Variants in GRK1 observed in about 807,000 individuals in gnomAD.
GRK1 encodes the protein rhodopsin kinase GRK1.
In GRK1, 28 loss-of-function variants were observed where a neutral mutation model predicts 41.7. The observed-to-expected ratio is 0.67, with a 90% CI of 0.50 to 0.92. The LOEUF is 0.92. Ranked by LOEUF, GRK1 falls within the 40% of genes least tolerant of loss-of-function variation. GRK1 has a pLI of 0.00. For synonymous variants in GRK1, 327 were observed against 286.7 expected, an observed-to-expected ratio of 1.14 and a Z score of -1.42; for missense variants, 703 against 671.2, an observed-to-expected ratio of 1.05 and a Z score of -0.52.
chr13:113,733,801 ATCTGTGTGCATACG>A (rs2049968380), intron 6 of GRK1, among the ~76,000 whole-genome samples: 2 of 61,954 alleles, frequency 3.2e-5, no homozygotes, highest in Admixed American at 3.3e-4. Context: ...GTGTATGTGT[ATCTGTGTGCATACG>A]TGTGTGCGTG....
chr13:113,725,235 T>A (rs1272083148), intron 4 of GRK1, among the ~76,000 whole-genome samples: 1 of 151,264 alleles, frequency 6.6e-6, no homozygotes, highest in South Asian at 2.1e-4. Context: ...GTCGGGGGAC[T>A]CCCCCTTGCC....
upstream of GRK1, among the ~76,000 whole-genome samples, chr13:113,663,839 C>T (rs1217743359): frequency 1.3e-5 from 2 of 152,218 alleles, no homozygotes; most frequent in Admixed American, 6.5e-5. Flanking sequence ...CTCACCATCG[C>T]TGGTGGGAAT....
Position 113,671,610 on chromosome 13 carries a change from C to G in GRK1, c.939C>G (p.Ile313Met), listed in dbSNP as rs370954768. The change falls in exon 3 of 7, where the codon ATC becomes ATG. Residue 313 changes from isoleucine to methionine, a missense_variant. Coordinates refer to ENST00000335678, the MANE Select transcript of GRK1 (RefSeq NM_002929.3). This position sits in a 1 kb window ranked among gnomAD's most constrained non-coding sequence, Gnocchi z 4.1. ...TGGAGCACCTGCACCAGAGGCGGATCGTCTACCGCGACCTCAAGCCCGAGA... is the reference window on the plus strand; with the variant it reads ...TGGAGCACCTGCACCAGAGGCGGATGGTCTACCGCGACCTCAAGCCCGAGA... ...CGLEHLHQRR[I>M]VYRDLKPENV... 1 of 771,952 alleles carries G rather than the reference C, an allele frequency of 1.3e-6. No individual in the cohort carries two copies. Among genetic ancestry groups the G allele is most frequent in the Non-Finnish European group, 2.4e-6 (1 of 417,750 alleles). The allele number at this position is 771,952 out of a possible 1,614,324, so 47.8% of individuals were successfully genotyped here.
intron 4 of GRK1, among the ~76,000 whole-genome samples, chr13:113,727,410 C>A (rs2049896157): frequency 6.6e-6 from 1 of 152,078 alleles, no homozygotes; most frequent in African/African-American, 2.4e-5. Flanking sequence ...GGTCTGTGAT[C>A]TGTGGCCTGT....
At chr13:113,669,568 T>C (rs2049842154) in intron 1 of GRK1, 119 bp from the exon 2 acceptor site, 3 of 1,209,776 alleles carry the variant, frequency 2.5e-6, no homozygotes, top group Non-Finnish European at 3.6e-6. Context: ...ATTTAAAGCA[T>C]GTTTGCGACT....
At chr13:113,653,184 C>T in the GRK1 span, 1 of 1,432,160 alleles carries the variant, frequency 7.0e-7, no homozygotes, top group South Asian at 1.3e-5. Flanking sequence ...ATAGAAAAGG[C>T]CGAAGCTGTG....
the GRK1 span, among the ~76,000 whole-genome samples, chr13:113,661,933 G>A: frequency 6.6e-6 from 1 of 152,026 alleles, no homozygotes; most frequent in Non-Finnish European, 1.5e-5. Context: ...ACCATCTTTT[G>A]GAAAATAGAA....
rs1005853529 is a variant in GRK1 at position 113,671,997 on chromosome 13, C to T, written c.985+341C>T. Among the ~76,000 whole-genome samples, 1 of 152,002 alleles carries T rather than the reference C, an allele frequency of 6.6e-6. No homozygotes were observed. Among genetic ancestry groups the T allele is most frequent in the Non-Finnish European group, 1.5e-5 (1 of 68,004 alleles). On this transcript the variant is annotated intron_variant, in intron 3 of 6. Coordinates refer to ENST00000335678, the MANE Select transcript of GRK1 (RefSeq NM_002929.3). The surrounding 1 kb of genome is among the most constrained non-coding windows in gnomAD (Gnocchi z 4.1). ...AGCGGCAGGTCAGGCAAGTGCGAGA[C>T]ACGTGCCAGGGCCCTGAGAGAGTGC...
At chr13:113,658,173 C>T in the GRK1 span, 2 of 1,591,496 alleles carry the variant, frequency 1.3e-6, no homozygotes, top group East Asian at 2.3e-5. Flanking sequence ...CTCCCGTCTG[C>T]TCCCTGCACC....
chr13:113,734,035 TATGTGTGTGTGCATAC>T (rs1278912308), intron 6 of GRK1, among the ~76,000 whole-genome samples: 1 of 130,178 alleles, frequency 7.7e-6, no homozygotes, highest in Non-Finnish European at 1.7e-5. Context: ...TGCGTGTGCG[TATGTGTGTGTGCATAC>T]GTGTGTGTGC....
rs1050104971 is a variant in GRK1, at chr13:113,731,257, G to A, written c.1108G>A (p.Asp370Asn). 9 of 1,537,006 alleles carry A rather than the reference G, an allele frequency of 5.9e-6. No homozygotes were observed. Among genetic ancestry groups the A allele is most frequent in the African/African-American group, 2.7e-5 (2 of 73,052 alleles). ...CGAGCTCCTGCAGGGCGAGGAGTAC[G>A]ACTTCTCCGTGGACTACTTTGCCCT... Reference protein sequence around the residue: ...APELLQGEEYDFSVDYFALGV... With the variant: ...APELLQGEEYNFSVDYFALGV... Residue 370 changes from aspartate to asparagine, a missense_variant, in exon 5 of 7, where the codon GAC (aspartate) becomes AAC (asparagine). Asp to Asn is a conservative substitution (Grantham distance 23). Transcript: ENST00000335678. This position sits in a 1 kb window ranked among gnomAD's most constrained non-coding sequence, Gnocchi z 5.6.
the GRK1 span, among the ~76,000 whole-genome samples, chr13:113,657,207 A>G: frequency 2.7e-5 from 4 of 150,114 alleles, no homozygotes; most frequent in Non-Finnish European, 1.5e-5. Flanking sequence ...CGGCTCTGGG[A>G]CCCCCAGAGC....
Position 113,731,441 on chromosome 13 carries a change from G to A in GRK1, c.1194+98G>A, listed in dbSNP as rs1019237470. 6 of 1,482,786 alleles carry A rather than the reference G, an allele frequency of 4.0e-6. No homozygotes were observed. Among genetic ancestry groups the A allele is most frequent in the Non-Finnish European group, 5.4e-6 (6 of 1,111,742 alleles). The allele number at this position is 1,482,786 out of a possible 1,614,324, so 91.9% of individuals were successfully genotyped here. ...GGGATCGTTACTGGGGCAGACCTGG[G>A]AGTTGTTCTGTGGGCCCTGGGGTGG... On this transcript the variant is annotated intron_variant, in intron 5 of 6. Coordinates refer to ENST00000335678, the MANE Select transcript of GRK1 (RefSeq NM_002929.3). This position sits in a 1 kb window ranked among gnomAD's most constrained non-coding sequence, Gnocchi z 5.6.
the GRK1 span, among the ~76,000 whole-genome samples, chr13:113,661,484 C>T: frequency 6.6e-6 from 1 of 151,806 alleles, no homozygotes; most frequent in Non-Finnish European, 1.5e-5. Context: ...AAGCAAACAA[C>T]AGCAGCAACA....
At chr13:113,724,810 G>C (rs1386303401) in intron 4 of GRK1, among the ~76,000 whole-genome samples, 1 of 152,246 alleles carries the variant, frequency 6.6e-6, no homozygotes, top group Non-Finnish European at 1.5e-5. Context: ...AACGGTTGGC[G>C]CTGCGGCCCT....
At position 113,733,038 on chromosome 13, in the gene GRK1, G is replaced by T; in HGVS notation, c.1349G>T (p.Arg450Leu). The change falls in exon 6 of 7, where the codon CGT becomes CTT. Residue 450 changes from arginine to leucine, a missense_variant. Coordinates refer to ENST00000335678, the MANE Select transcript of GRK1 (RefSeq NM_002929.3). ...GFRDETCDKL[R>L]AHPLFKDLNW... The stretch of plus-strand genomic sequence containing the variant: ...AGAGATGAGACCTGCGACAAGCTCC[G>T]TGCCCACCCCCTCTTCAAGGACCTT... The T allele has an allele frequency of 6.5e-7, 1 of 1,537,054 alleles. No individual in the cohort carries two copies. Among genetic ancestry groups the T allele is most frequent in the Non-Finnish European group, 8.7e-7 (1 of 1,146,902 alleles).
upstream of GRK1, among the ~76,000 whole-genome samples, chr13:113,664,379 T>C (rs1247664355): frequency 6.6e-6 from 1 of 152,136 alleles, no homozygotes; most frequent in Non-Finnish European, 1.5e-5. This position sits in a 1 kb window ranked among gnomAD's most constrained non-coding sequence, Gnocchi z 5.4. Flanking sequence ...CTCTGGATTG[T>C]TTCTTAACAT....
upstream of GRK1, among the ~76,000 whole-genome samples, chr13:113,665,388 T>C (rs527853649): frequency 1.3e-5 from 2 of 150,094 alleles, no homozygotes; most frequent in South Asian, 4.2e-4. Flanking sequence ...GTCCCAGGTG[T>C]GCCCCAGCTG....
At chr13:113,728,287 G>T (rs1366792672) in intron 4 of GRK1, among the ~76,000 whole-genome samples, 1 of 117,924 alleles carries the variant, frequency 8.5e-6, no homozygotes, top group African/African-American at 4.7e-5. Flanking sequence ...TACCCATGGC[G>T]ATGAGGAGTA....
Sources: allele counts gnomAD v4.1 joint callset (sites outside exome capture counted in the v4.1 genomes callset), GRCh38; gene constraint gnomAD v4.1.1; non-coding constraint Gnocchi (gnomAD v3.1); transcripts MANE v1.5; gene names NCBI Gene and HGNC (gene_info 2026-07-23, HGNC 2026-07-21).